The following SMAD3 variants were observed in gnomAD, a reference collection of about 807,000 sequenced individuals.
SMAD3 encodes SMAD family member 3.
A neutral mutation model predicts 51.8 loss-of-function variants in SMAD3; 12 were observed. The ratio of observed to expected loss-of-function variants is 0.23; its 90% CI spans 0.15 to 0.38. The LOEUF (loss-of-function observed/expected upper bound fraction) is 0.38, where lower values mean the gene tolerates loss of function less well. SMAD3 is among the 10% of genes least tolerant of loss of function. SMAD3 has a pLI of 1.00. For synonymous variants in SMAD3, 238 were observed against 227.7 expected (o/e 1.05, Z -0.41); for missense variants, 294 against 565.6 (o/e 0.52, Z 4.87).
At chr15:67,075,787 C>T (rs910603095) in intron 1 of SMAD3, among the ~76,000 whole-genome samples, 71 of 151,828 alleles carry the variant, frequency 4.7e-4, no homozygotes, top group African/African-American at 1.6e-3. Context: ...TGGTAGCGGG[C>T]GCCTGTAATT....
intron 1 of SMAD3, among the ~76,000 whole-genome samples, chr15:67,148,821 G>A (rs942867578): frequency 6.6e-6 from 1 of 152,212 alleles, no homozygotes; most frequent in Non-Finnish European, 1.5e-5. Flanking sequence ...GCTGATGCAC[G>A]CTATCAGCTA....
At chr15:67,173,059 G>A (rs1177004593) in intron 5 of SMAD3, among the ~76,000 whole-genome samples, 1 of 152,144 alleles carries the variant, frequency 6.6e-6, no homozygotes, top group Non-Finnish European at 1.5e-5. Context: ...CAATAAGGCA[G>A]GACCAAAAAT....
rs1250244466 is a variant in SMAD3, at chr15:67,099,781, CTTAT to C, written c.206+33425_206+33428del. Among the ~76,000 whole-genome samples the C allele has an allele frequency of 3.3e-5, 5 of 152,194 alleles. No individual in the cohort carries two copies. In the South Asian group the frequency reaches 6.2e-4, roughly 19 times the overall value. On this transcript the variant is annotated intron_variant, in intron 1 of 8. Transcript: ENST00000327367. ...GTGCCCCATACCTTACATAGATTATCTTATTTAATTGTTGCTAATAATAGTACTA... is the reference window on the plus strand; with the variant it reads ...GTGCCCCATACCTTACATAGATTATCTTAATTGTTGCTAATAATAGTACTA...
At chr15:67,124,272 T>C (rs1216916759) in intron 1 of SMAD3, among the ~76,000 whole-genome samples, 2 of 152,298 alleles carry the variant, frequency 1.3e-5, no homozygotes, top group East Asian at 3.9e-4. Flanking sequence ...TACAGGCATA[T>C]GCCACCACAC....
intron 1 of SMAD3, among the ~76,000 whole-genome samples, 165 bp downstream of exon 1, chr15:67,066,525 TG>T (rs1011275693): frequency 4.6e-5 from 7 of 151,122 alleles, no homozygotes; most frequent in African/African-American, 1.5e-4. Context: ...AGGAAGGGGG[TG>T]GGGGGACCCC....
rs1264232262 is a variant in SMAD3, at chr15:67,190,915, G to A, written c.*379G>A. On this transcript the variant is annotated 3_prime_UTR_variant, in exon 9 of 9. Coordinates refer to ENST00000327367, the MANE Select transcript of SMAD3 (RefSeq NM_005902.4). ...AAACACCCCTCTGTCTAGGACTGCA[G>A]TGTGGAGTTCACCTTGGAAGGGCGT... 3.0e-6 allele frequency: 1 copy of A among 331,386 alleles called. No individual in the cohort carries two copies. The allele number at this position is 331,386 out of a possible 1,614,324, so 20.5% of individuals were successfully genotyped here.
intron 1 of SMAD3, among the ~76,000 whole-genome samples, chr15:67,093,283 G>A (rs1232933849): frequency 2.0e-5 from 3 of 152,160 alleles, no homozygotes; most frequent in Admixed American, 1.3e-4. Flanking sequence ...TGCGATGATG[G>A]ACGCAAAAAC....
chr15:67,071,586 C>T (rs1909265), intron 1 of SMAD3, among the ~76,000 whole-genome samples: 2,168 of 152,110 alleles, frequency 0.014, 62 homozygotes, highest in African/African-American at 0.05. Flanking sequence ...CCGAGGCAGG[C>T]GGATCACGAG....
intron 7 of SMAD3, 133 bp from the exon 8 acceptor site, chr15:67,187,232 A>G (rs1445315247): frequency 9.4e-7 from 1 of 1,059,490 alleles, no homozygotes; most frequent in East Asian, 2.4e-5. Context: ...TGGCAAATGC[A>G]TCACACACCA....
Position 67,184,768 on chromosome 15 carries a change from G to A in SMAD3, c.913G>A (p.Ala305Thr), listed in dbSNP as rs1348033858. ...CTACTACATCGGAGGGGAGGTCTTC[G>A]CAGAGTGCCTCAGTGACAGCGCTAT... ...RLYYIGGEVF[A>T]ECLSDSAIFV... The change falls in exon 7 of 9, where the codon GCA becomes ACA. Residue 305 changes from alanine to threonine, a missense_variant. Around this residue, in one of 3 missense-constraint regions of SMAD3, gnomAD observed 118 missense variants for 278.0 expected, o/e 0.42. Transcript: ENST00000327367. 1.2e-6 allele frequency: 2 copies of A among 1,613,986 alleles called. No homozygotes were observed. Among genetic ancestry groups the A allele is most frequent in the Non-Finnish European group, 1.7e-6 (2 of 1,180,016 alleles).
intron 1 of SMAD3, among the ~76,000 whole-genome samples, chr15:67,088,975 G>A (rs1181883302): frequency 6.6e-6 from 1 of 152,116 alleles, no homozygotes; most frequent in Non-Finnish European, 1.5e-5. Context: ...GGGCTGACTA[G>A]AGACCTTTGT....
At chr15:67,117,849 TG>T (rs1325522370) in intron 1 of SMAD3, among the ~76,000 whole-genome samples, 2 of 152,184 alleles carry the variant, frequency 1.3e-5, no homozygotes, top group African/African-American at 4.8e-5. Context: ...CCCAGCACTT[TG>T]GGAGGCCGAG....
At chr15:67,162,180 G>T (rs1254066518) in intron 1 of SMAD3, among the ~76,000 whole-genome samples, 1 of 152,054 alleles carries the variant, frequency 6.6e-6, no homozygotes, top group South Asian at 2.1e-4. Context: ...TCTCTCTTTG[G>T]TTGGTGCTGT....
intron 1 of SMAD3, among the ~76,000 whole-genome samples, chr15:67,110,376 C>T (rs545847872): frequency 4.7e-4 from 72 of 152,216 alleles, no homozygotes; most frequent in African/African-American, 1.6e-3. Flanking sequence ...CAGCCTGTAG[C>T]GGGATATGTC....
chr15:67,151,845 T>G (rs1962154310), intron 1 of SMAD3, among the ~76,000 whole-genome samples: 1 of 152,164 alleles, frequency 6.6e-6, no homozygotes, highest in Non-Finnish European at 1.5e-5. Context: ...ATCCTCCTTC[T>G]ATTTGAAACT....
At chr15:67,189,323 G>A (rs1362908986) in intron 8 of SMAD3, among the ~76,000 whole-genome samples, 2 of 152,154 alleles carry the variant, frequency 1.3e-5, no homozygotes, top group African/African-American at 2.4e-5. Flanking sequence ...TGCTACACAA[G>A]CAAAGTAGAG....
chr15:67,181,663 G>T (rs1963064553), intron 6 of SMAD3, among the ~76,000 whole-genome samples: 1 of 152,078 alleles, frequency 6.6e-6, no homozygotes, highest in South Asian at 2.1e-4. Flanking sequence ...GACAGGTAGT[G>T]TTCAGGCCAC....
intron 1 of SMAD3, among the ~76,000 whole-genome samples, chr15:67,088,875 T>C (rs12914117): frequency 0.57 from 87,280 of 151,830 alleles, 25,270 homozygotes; most frequent in South Asian, 0.74. Flanking sequence ...TGCAGTGAGC[T>C]GAGATCACGC....
At chr15:67,098,608 T>G in intron 1 of SMAD3, 3 of 479,126 alleles carry the variant, frequency 6.3e-6, no homozygotes, top group Non-Finnish European at 7.6e-6. Flanking sequence ...ACAGAGTACA[T>G]TTGAGGCCCA....
Sources: allele counts gnomAD v4.1 joint callset (sites outside exome capture counted in the v4.1 genomes callset), GRCh38; gene constraint gnomAD v4.1.1; regional missense constraint gnomAD v4.1.1; transcripts MANE v1.5; gene names NCBI Gene and HGNC (gene_info 2026-07-23, HGNC 2026-07-21).